CNBD1: variants seen among roughly 807,000 people sequenced by gnomAD.
The protein encoded by CNBD1 is cyclic nucleotide-binding domain-containing protein 1.
Under a neutral mutation model 54.4 loss-of-function variants are expected in CNBD1, and 71 were observed. The observed-to-expected ratio is 1.30, with a 90% confidence interval of 1.08 to 1.59. The LOEUF is 1.59. Ranked by LOEUF, CNBD1 falls within the 40% of genes most tolerant of loss-of-function variation. The pLI is 0.00. For synonymous variants in CNBD1, 182 were observed against 170.7 expected (o/e 1.07, Z -0.51); for missense variants, 659 against 518.0 (o/e 1.27, Z -2.64).
intron 3 of CNBD1, among the ~76,000 whole-genome samples, chr8:86,930,300 G>C (rs748938402): frequency 6.6e-6 from 1 of 152,194 alleles, no homozygotes; most frequent in Non-Finnish European, 1.5e-5. Context: ...GCAGAGCTGG[G>C]TGTTTAATTT....
intron 4 of CNBD1, among the ~76,000 whole-genome samples, chr8:87,107,352 T>A (rs569815221): frequency 5.7e-4 from 87 of 152,204 alleles, no homozygotes; most frequent in Non-Finnish European, 1.1e-3. Context: ...CCTTTGTTCA[T>A]TTCTTGAACA....
chr8:87,426,885 A>T (rs1254463755), intron 2 of CNBD1, among the ~76,000 whole-genome samples: 2 of 152,212 alleles, frequency 1.3e-5, no homozygotes, highest in Non-Finnish European at 2.9e-5. Flanking sequence ...CCCTTAATCT[A>T]ATATAAACAA....
intron 10 of CNBD1, among the ~76,000 whole-genome samples, chr8:87,357,736 G>T (rs1810448989): frequency 2.0e-5 from 3 of 152,110 alleles, no homozygotes; most frequent in Admixed American, 6.6e-5. Context: ...TGTTGGGAAG[G>T]GGTGATTATA....
At chr8:87,077,291 C>T (rs1810891560) in intron 4 of CNBD1, among the ~76,000 whole-genome samples, 1 of 152,076 alleles carries the variant, frequency 6.6e-6, no homozygotes, top group Admixed American at 6.5e-5. Flanking sequence ...GTCGGGCTGT[C>T]AGCAGGGTGG....
intron 2 of CNBD1, among the ~76,000 whole-genome samples, chr8:87,396,110 A>C (rs1397097536): frequency 6.6e-6 from 1 of 151,940 alleles, no homozygotes; most frequent in Non-Finnish European, 1.5e-5. Context: ...TAAAGATACC[A>C]CTGTCTAATG....
chr8:87,101,997 T>G (rs908424676), intron 4 of CNBD1, among the ~76,000 whole-genome samples: 5 of 151,738 alleles, frequency 3.3e-5, no homozygotes, highest in Non-Finnish European at 5.9e-5. Flanking sequence ...CAAGTGATTC[T>G]CCTGCCTCAG....
At chr8:86,971,814 A>G (rs971859875) in intron 4 of CNBD1, among the ~76,000 whole-genome samples, 6 of 152,174 alleles carry the variant, frequency 3.9e-5, no homozygotes, top group African/African-American at 7.2e-5. Flanking sequence ...AACTGCCTCA[A>G]TGAACACATA....
chr8:86,914,696 G>GA (rs1452396911), intron 3 of CNBD1, among the ~76,000 whole-genome samples: 3 of 151,830 alleles, frequency 2.0e-5, no homozygotes, highest in Non-Finnish European at 4.4e-5. Context: ...AAGCAAAAAT[G>GA]AAAAAAATCT....
intron 2 of CNBD1, among the ~76,000 whole-genome samples, chr8:87,421,564 T>C (rs1426759184): frequency 6.6e-6 from 1 of 151,884 alleles, no homozygotes; most frequent in African/African-American, 2.4e-5. Flanking sequence ...CTGAGAATGA[T>C]GATTTCCGAT....
chr8:86,892,037 G>A (rs1461493580), intron 2 of CNBD1, among the ~76,000 whole-genome samples: 2 of 151,754 alleles, frequency 1.3e-5, no homozygotes, highest in Non-Finnish European at 2.9e-5. Flanking sequence ...TCCCTATTGG[G>A]CTGTATTTTT....
At position 87,305,188 on chromosome 8, in the gene CNBD1, T is replaced by C. The variant is rs114243254; in HGVS notation, c.1042+18517T>C. 3.2e-3 allele frequency among the ~76,000 whole-genome samples: 485 copies of C among 152,120 alleles called. 2 individuals carry two copies. The highest frequency in any genetic ancestry group is 0.011 in the African/African-American group (458 of 41,522). ...CAAAAAAAGAAAAAATACTTAAGAA[T>C]ATACCTAACCAAGAAGTTGAAAGAC... On this transcript the variant is annotated intron_variant, in intron 8 of 10. Coordinates refer to ENST00000518476, the MANE Select transcript of CNBD1 (RefSeq NM_173538.3).
intron 4 of CNBD1, among the ~76,000 whole-genome samples, chr8:87,058,432 C>A (rs1810471574): frequency 6.6e-6 from 1 of 152,214 alleles, no homozygotes; most frequent in Non-Finnish European, 1.5e-5. Flanking sequence ...GGGATTCCAA[C>A]CCCACATTTC....
intron 2 of CNBD1, among the ~76,000 whole-genome samples, chr8:87,407,956 G>A (rs142976120): frequency 6.6e-6 from 1 of 151,874 alleles, no homozygotes; most frequent in Non-Finnish European, 1.5e-5. Context: ...TTCATTAGAT[G>A]AGATATTCTT....
chr8:87,242,246 G>A (rs145891984), intron 6 of CNBD1, among the ~76,000 whole-genome samples: 2 of 152,074 alleles, frequency 1.3e-5, no homozygotes, highest in Admixed American at 6.5e-5. Flanking sequence ...GCTGTCTCTT[G>A]TGGGGAAAAT....
intron 4 of CNBD1, among the ~76,000 whole-genome samples, chr8:87,054,144 T>C (rs1009579859): frequency 1.3e-5 from 2 of 152,230 alleles, no homozygotes; most frequent in Admixed American, 6.5e-5. Flanking sequence ...TTATAGATTT[T>C]GGACAAAGGA....
chr8:87,195,868 C>T (rs578104122), intron 4 of CNBD1, among the ~76,000 whole-genome samples: 4 of 152,266 alleles, frequency 2.6e-5, no homozygotes, highest in South Asian at 2.1e-4. Context: ...CTACCACGCC[C>T]GACTTAAATA....
chr8:87,005,153 G>A (rs1038744440), intron 4 of CNBD1, among the ~76,000 whole-genome samples: 21 of 151,986 alleles, frequency 1.4e-4, no homozygotes, highest in Admixed American at 1.4e-3. Context: ...GGAGGCCGAG[G>A]CGGGTGGATC....
chr8:86,899,528 C>T (rs1231808808), intron 2 of CNBD1, among the ~76,000 whole-genome samples: 1 of 152,064 alleles, frequency 6.6e-6, no homozygotes, highest in Non-Finnish European at 1.5e-5. Flanking sequence ...TCAAGTTTGA[C>T]TGGCTATTCC....
intron 4 of CNBD1, among the ~76,000 whole-genome samples, chr8:87,156,109 C>G (rs1043517247): frequency 6.6e-6 from 1 of 151,270 alleles, no homozygotes; most frequent in Non-Finnish European, 1.5e-5. Context: ...ACTTTTAACA[C>G]GAAGCATGGT....
Sources: allele counts gnomAD v4.1 joint callset (sites outside exome capture counted in the v4.1 genomes callset), GRCh38; gene constraint gnomAD v4.1.1; transcripts MANE v1.5; gene names NCBI Gene and HGNC (gene_info 2026-07-23, HGNC 2026-07-21).